KALRN: variants seen among roughly 807,000 people sequenced by gnomAD.
KALRN encodes kalirin RhoGEF kinase.
Under a neutral mutation model 353.7 loss-of-function variants are expected in KALRN, and 70 were observed. The observed-to-expected ratio is 0.20, with a 90% CI of 0.16 to 0.24. The LOEUF (loss-of-function observed/expected upper bound fraction) is 0.24. Among genes scored for constraint, KALRN ranks in the 10% least tolerant of loss-of-function variants. The pLI is 1.00. For synonymous variants in KALRN, 1,391 were observed against 1,434.8 expected, an observed-to-expected ratio of 0.97 and a Z score of 0.69; for missense variants, 2,791 against 3,756.7, an observed-to-expected ratio of 0.74 and a Z score of 6.72.
At chr3:124,510,623 C>T (rs1251469381) in intron 33 of KALRN, among the ~76,000 whole-genome samples, 1 of 152,070 alleles carries the variant, frequency 6.6e-6, no homozygotes. Flanking sequence ...CCAAAACAGT[C>T]TATTGTTAGT....
chr3:124,138,324 T>G (rs1420016387), intron 1 of KALRN, among the ~76,000 whole-genome samples: 1 of 152,166 alleles, frequency 6.6e-6, no homozygotes, highest in Non-Finnish European at 1.5e-5. Flanking sequence ...GTCAGTTAGC[T>G]CTGACTAAAA....
At chr3:124,507,559 C>G (rs753320847) in intron 33 of KALRN, among the ~76,000 whole-genome samples, 65 of 152,100 alleles carry the variant, frequency 4.3e-4, no homozygotes, top group Admixed American at 3.3e-4. Context: ...TTTTATTGAA[C>G]AAAATTTAAT....
At chr3:124,611,463 G>A (rs2077962926) in intron 34 of KALRN, among the ~76,000 whole-genome samples, 2 of 152,148 alleles carry the variant, frequency 1.3e-5, no homozygotes, top group South Asian at 2.1e-4. Context: ...TATCCTGATG[G>A]TTCCTATTCA....
intron 34 of KALRN, among the ~76,000 whole-genome samples, chr3:124,614,614 AG>A (rs1170725151): frequency 1.4e-5 from 2 of 145,256 alleles, no homozygotes; most frequent in Non-Finnish European, 3.0e-5. Flanking sequence ...CATGTCACCC[AG>A]GCTGGAATGT....
intron 1 of KALRN, among the ~76,000 whole-genome samples, chr3:124,150,342 T>C (rs1427108879): frequency 1.3e-5 from 2 of 152,236 alleles, no homozygotes; most frequent in Admixed American, 6.5e-5. Context: ...ACTAAATAAA[T>C]TAAAAAGCAA....
intron 1 of KALRN, among the ~76,000 whole-genome samples, chr3:124,221,542 T>C (rs1392666158): frequency 6.6e-6 from 1 of 152,148 alleles, no homozygotes; most frequent in Admixed American, 6.5e-5. Flanking sequence ...ACAGCTCAGC[T>C]TGATGGGGAG....
At chr3:124,053,656 A>T (rs1293152892) in intron 1 of KALRN, among the ~76,000 whole-genome samples, 1 of 152,250 alleles carries the variant, frequency 6.6e-6, no homozygotes, top group South Asian at 2.1e-4. Flanking sequence ...TTGGACAGTT[A>T]TATACTCAGA....
chr3:124,559,119 C>A (rs182948387), intron 33 of KALRN, among the ~76,000 whole-genome samples: 1 of 152,336 alleles, frequency 6.6e-6, no homozygotes, highest in African/African-American at 2.4e-5. Flanking sequence ...CGAAATGTCC[C>A]TTATGTATGT....
intron 37 of KALRN, among the ~76,000 whole-genome samples, chr3:124,650,133 T>A (rs971505641): frequency 6.6e-6 from 1 of 152,218 alleles, no homozygotes; most frequent in Non-Finnish European, 1.5e-5. Context: ...AATGTCACTG[T>A]GTAATCCTTC....
chr3:124,178,083 CAT>C (rs1295349814), intron 1 of KALRN, among the ~76,000 whole-genome samples: 1 of 152,222 alleles, frequency 6.6e-6, no homozygotes, highest in Non-Finnish European at 1.5e-5. Flanking sequence ...AAGATGAACA[CAT>C]GTTTCATAGC....
At chr3:124,612,483 G>A (rs1030517744) in intron 34 of KALRN, among the ~76,000 whole-genome samples, 12 of 152,252 alleles carry the variant, frequency 7.9e-5, no homozygotes, top group Admixed American at 4.6e-4. Flanking sequence ...GATTACAGGC[G>A]TGAGCCACCG....
intron 5 of KALRN, among the ~76,000 whole-genome samples, chr3:124,286,774 A>C (rs1029891502): frequency 1.3e-5 from 2 of 152,140 alleles, no homozygotes; most frequent in Non-Finnish European, 2.9e-5. Context: ...GATGTCAATC[A>C]TAGTTATTTT....
intron 21 of KALRN, among the ~76,000 whole-genome samples, chr3:124,451,133 A>G (rs1303422224): frequency 1.3e-5 from 2 of 152,196 alleles, no homozygotes; most frequent in East Asian, 1.9e-4. Flanking sequence ...TAAGATTACT[A>G]TCAAGAAGAC....
intron 1 of KALRN, among the ~76,000 whole-genome samples, chr3:124,201,178 A>T (rs976122818): frequency 1.2e-4 from 19 of 152,254 alleles, no homozygotes; most frequent in Non-Finnish European, 2.2e-4. Context: ...AACAGCCACC[A>T]TTGAGGCAGC....
At chr3:124,180,433 C>T (rs2073415856) in intron 1 of KALRN, among the ~76,000 whole-genome samples, 3 of 152,310 alleles carry the variant, frequency 2.0e-5, no homozygotes, top group South Asian at 4.1e-4. Flanking sequence ...AGCGACTCCT[C>T]TCCCTCTTCC....
At chr3:124,296,035 G>A (rs527624091) in intron 5 of KALRN, among the ~76,000 whole-genome samples, 7 of 152,144 alleles carry the variant, frequency 4.6e-5, no homozygotes, top group Non-Finnish European at 7.4e-5. Context: ...TGGTCCTTTC[G>A]TCCTTTCTTT....
At chr3:124,345,987 T>G (rs1398656516) in intron 9 of KALRN, among the ~76,000 whole-genome samples, 1 of 152,240 alleles carries the variant, frequency 6.6e-6, no homozygotes, top group African/African-American at 2.4e-5. Context: ...TAAACCATTT[T>G]CCAGTAAGTG....
At chr3:124,288,077 GT>G (rs2079756475) in intron 5 of KALRN, among the ~76,000 whole-genome samples, 2 of 152,028 alleles carry the variant, frequency 1.3e-5, no homozygotes, top group Middle Eastern at 3.4e-3. Context: ...GTTTCGCCTT[GT>G]TGGCCAGGCT....
At chr3:124,485,817 T>C (rs2062508229) in intron 28 of KALRN, among the ~76,000 whole-genome samples, 1 of 152,046 alleles carries the variant, frequency 6.6e-6, no homozygotes, top group Non-Finnish European at 1.5e-5. Flanking sequence ...GAGGCGGAGG[T>C]TGCAGTGAGC....
Sources: allele counts gnomAD v4.1 joint callset (sites outside exome capture counted in the v4.1 genomes callset), GRCh38; gene constraint gnomAD v4.1.1; transcripts MANE v1.5; gene names NCBI Gene and HGNC (gene_info 2026-07-23, HGNC 2026-07-21).